The following TCF21 variants were observed in gnomAD, a reference collection of about 807,000 sequenced individuals.
TCF21 encodes transcription factor 21, also known as capsulin.
In TCF21, 3 loss-of-function variants were observed where a neutral mutation model predicts 13.5. That is an observed-to-expected ratio of 0.22 (90% CI 0.10 to 0.57). The LOEUF is 0.57. TCF21 is among the 20% of genes least tolerant of loss of function. TCF21 has a pLI of 0.92. For synonymous variants in TCF21, 92 were observed against 101.7 expected, an observed-to-expected ratio of 0.90 and a Z score of 0.57; for missense variants, 181 against 238.4, an observed-to-expected ratio of 0.76 and a Z score of 1.59.
Position 133,889,439 on chromosome 6 carries a change from G to A in TCF21, c.42G>A (p.Glu14=), listed in dbSNP as rs778713189. ...TCAGCGATGTGGAGGACCTTCAAGA[G>A]GTGGAGATGTTGGAATGTGACGGGT... The part of the protein sequence containing the change: ...GSLSDVEDLQ[E]VEMLECDGLK... The change falls in exon 1 of 2, where the codon GAG becomes GAA. Residue 14 remains glutamate, a synonymous_variant. Transcript: ENST00000367882. The surrounding 1 kb of genome is among the most constrained non-coding windows in gnomAD (Gnocchi z 5.1). 6.2e-7 allele frequency: 1 copy of A among 1,614,150 alleles called. No individual in the cohort carries two copies. Among genetic ancestry groups the A allele is most frequent in the South Asian group, 1.1e-5 (1 of 91,084 alleles).
chr6:133,890,812 T>A (rs1478509908), intron 1 of TCF21, among the ~76,000 whole-genome samples: 3 of 152,258 alleles, frequency 2.0e-5, no homozygotes, highest in Non-Finnish European at 4.4e-5. Flanking sequence ...GAGAGGGGTC[T>A]GAATTGTCTT....
chr6:133,890,647 T>A (rs1775199764), intron 1 of TCF21, among the ~76,000 whole-genome samples: 2 of 152,358 alleles, frequency 1.3e-5, no homozygotes, highest in Admixed American at 1.3e-4. Flanking sequence ...AAGAAATATA[T>A]CTTAATTTTT....
In TCF21 at chr6:133,891,865, C is replaced by A; in HGVS notation, c.*63C>A. On this transcript the variant is annotated 3_prime_UTR_variant, in exon 2 of 2. Transcript: ENST00000367882. The stretch of plus-strand genomic sequence containing the variant: ...GGGGAGCGGGCCCCGGGAAGGCGAC[C>A]CCTGCCCTCAGTGCTCTCTGTCTCT... 1 of 1,561,802 alleles carries A rather than the reference C, an allele frequency of 6.4e-7. No homozygotes were observed. The highest frequency in any genetic ancestry group is 8.8e-7 in the Non-Finnish European group (1 of 1,139,344).
At chr6:133,894,975 T>C (rs1046599880), downstream of TCF21, 1 of 152,092 alleles carries the variant, frequency 6.6e-6, no homozygotes, top group Non-Finnish European at 1.5e-5. Context: ...CAGACAGATA[T>C]CCAATCTGGA....
chr6:133,895,227 T>C (rs894374099), downstream of TCF21: 8 of 152,206 alleles, frequency 5.3e-5, no homozygotes, highest in African/African-American at 1.9e-4. Context: ...CAGAATCACC[T>C]AGATGCCTCC....
At chr6:133,894,704 T>C (rs2114567810), downstream of TCF21, 2 of 152,676 alleles carry the variant, frequency 1.3e-5, no homozygotes, top group East Asian at 3.9e-4. Context: ...GCCCAGGTAG[T>C]TGGTGTGTCT....
Position 133,889,290 on chromosome 6 carries a change from G to C in TCF21, c.-108G>C, listed in dbSNP as rs1037328155. 4 of 1,429,114 alleles carry C rather than the reference G, an allele frequency of 2.8e-6. No homozygotes were observed. The highest frequency in any genetic ancestry group is 3.9e-6 in the Non-Finnish European group (4 of 1,026,598). 88.5% of individuals were successfully genotyped at this position (1,429,114 alleles called of 1,614,324 possible). ...AGCAGGAGGTGGCTGCGCCACACTC[G>C]GGAGGCCTCTTGGTTTCAGGGTCTC... On this transcript the variant is annotated 5_prime_UTR_variant, in exon 1 of 2. Coordinates refer to ENST00000367882, the MANE Select transcript of TCF21 (RefSeq NM_003206.4). The surrounding 1 kb of genome is among the most constrained non-coding windows in gnomAD (Gnocchi z 5.1).
chr6:133,892,712 G>A (rs1775242699), downstream of TCF21: 1 of 152,210 alleles, frequency 6.6e-6, no homozygotes, highest in South Asian at 2.1e-4. Context: ...CTTAGGGTGT[G>A]TTTCAGGATT....
Position 133,889,786 on chromosome 6 carries a change from A to G in TCF21, c.389A>G (p.His130Arg). 6.2e-7 allele frequency: 1 copy of G among 1,613,280 alleles called. No individual in the cohort carries two copies. The highest frequency in any genetic ancestry group is 8.5e-7 in the Non-Finnish European group (1 of 1,179,926). ...AGGCTGGCGTCCAGCTACATCGCCCACTTGAGGCAGATCCTGGCTAACGAC... is the reference window on the plus strand; with the variant it reads ...AGGCTGGCGTCCAGCTACATCGCCCGCTTGAGGCAGATCCTGGCTAACGAC... ...TLRLASSYIA[H>R]LRQILANDKY... The change falls in exon 1 of 2, where the codon CAC (histidine) becomes CGC (arginine). Residue 130 changes from histidine (H) to arginine (R), a missense_variant. Coordinates refer to ENST00000367882, the MANE Select transcript of TCF21 (RefSeq NM_003206.4). The surrounding 1 kb of genome is among the most constrained non-coding windows in gnomAD (Gnocchi z 5.1).
Position 133,889,285 on chromosome 6 carries a change from C to T in TCF21, c.-113C>T, listed in dbSNP as rs2114559456. ...CTCCCAGCAGGAGGTGGCTGCGCCA[C>T]ACTCGGGAGGCCTCTTGGTTTCAGG... On this transcript the variant is annotated 5_prime_UTR_variant, in exon 1 of 2. Coordinates refer to ENST00000367882, the MANE Select transcript of TCF21 (RefSeq NM_003206.4). The surrounding 1 kb of genome is among the most constrained non-coding windows in gnomAD (Gnocchi z 5.1). 1 of 1,393,094 alleles carries T rather than the reference C, an allele frequency of 7.2e-7. No homozygotes were observed. The highest frequency in any genetic ancestry group is 1.0e-6 in the Non-Finnish European group (1 of 994,526). 86.3% of individuals were successfully genotyped at this position (1,393,094 alleles called of 1,614,324 possible).
At chr6:133,890,207 G>T (rs1359571528) in intron 1 of TCF21, among the ~76,000 whole-genome samples, 1 of 152,210 alleles carries the variant, frequency 6.6e-6, no homozygotes, top group Non-Finnish European at 1.5e-5. Context: ...CTGACAAGAC[G>T]CTGCGAGCGG....
downstream of TCF21, chr6:133,892,695 C>G (rs1441651949): frequency 6.6e-6 from 1 of 152,214 alleles, no homozygotes; most frequent in East Asian, 1.9e-4. Context: ...ATGTAAATTC[C>G]ATAACCCTTA....
intron 1 of TCF21, 134 bp from the exon 2 acceptor site, chr6:133,891,579 A>AATTGCAGAGATGACCGGGAGTAC: frequency 1.0e-6 from 1 of 959,418 alleles, no homozygotes; most frequent in Non-Finnish European, 1.6e-6. Context: ...ACCGGGAGTA[A>AATTGCAGAGATGACCGGGAGTAC]ATTGCAGAGA....
chr6:133,889,375 C>CTCTG lies in TCF21; in HGVS notation c.-21_-20insTGTC. On this transcript the variant is annotated 5_prime_UTR_variant, in exon 1 of 2. Transcript: ENST00000367882. The surrounding 1 kb of genome is among the most constrained non-coding windows in gnomAD (Gnocchi z 5.1). ...TGTCTCTCTGTCTCTCTCTCTCTCTCTCCCTCGTCCACTCCCCCAAACATG... is the reference window on the plus strand; with the variant it reads ...TGTCTCTCTGTCTCTCTCTCTCTCTCTCTGTCCCTCGTCCACTCCCCCAAACATG... 1 of 1,612,312 alleles carries CTCTG rather than the reference C, an allele frequency of 6.2e-7. No individual in the cohort carries two copies. Among genetic ancestry groups the CTCTG allele is most frequent in the Non-Finnish European group, 8.5e-7 (1 of 1,179,428 alleles).
downstream of TCF21, chr6:133,893,101 T>G (rs1338853104): frequency 1.3e-5 from 2 of 152,220 alleles, no homozygotes; most frequent in Non-Finnish European, 1.5e-5. Context: ...GCCTTGAAAC[T>G]TCCGCTTCAT....
downstream of TCF21, chr6:133,893,890 C>A (rs1775260065): frequency 6.6e-6 from 1 of 152,206 alleles, no homozygotes; most frequent in Non-Finnish European, 1.5e-5. Context: ...ATCCAACTAG[C>A]TGTTTCTTGA....
At position 133,889,299 on chromosome 6, in the gene TCF21, C is replaced by T. The variant is rs547987017; in HGVS notation, c.-99C>T. ...TGGCTGCGCCACACTCGGGAGGCCT[C>T]TTGGTTTCAGGGTCTCTCTGTCTCT... On this transcript the variant is annotated 5_prime_UTR_variant, in exon 1 of 2. Transcript: ENST00000367882. This position sits in a 1 kb window ranked among gnomAD's most constrained non-coding sequence, Gnocchi z 5.1. 6.6e-6 allele frequency: 10 copies of T among 1,519,752 alleles called. No homozygotes were observed. The highest frequency in any genetic ancestry group is 1.4e-5 in the African/African-American group (1 of 73,190). The allele number at this position is 1,519,752 out of a possible 1,614,324, so 94.1% of individuals were successfully genotyped here.
At chr6:133,890,220 A>G (rs1243076847) in intron 1 of TCF21, among the ~76,000 whole-genome samples, 1 of 152,212 alleles carries the variant, frequency 6.6e-6, no homozygotes, top group African/African-American at 2.4e-5. Context: ...GCGAGCGGAC[A>G]GGCATTTTGT....
At chr6:133,892,619 C>T (rs1775237833), downstream of TCF21, 1 of 152,188 alleles carries the variant, frequency 6.6e-6, no homozygotes, top group Admixed American at 6.5e-5. Context: ...TAAACTCCAC[C>T]TTTTGTCACC....
Sources: gnomAD v4.1 joint callset for allele counts (sites outside exome capture counted in the v4.1 genomes callset) on GRCh38, gnomAD v4.1.1 for gene constraint, Gnocchi (gnomAD v3.1) non-coding constraint, MANE v1.5 for transcripts, NCBI Gene and HGNC (gene_info 2026-07-23, HGNC 2026-07-21) for gene names.